Variants in MYOM2 observed in about 807,000 individuals in gnomAD.
MYOM2 encodes the protein myomesin 2, also known as myomesin-2.
MYOM2 carries 254 observed loss-of-function variants against 187.6 expected under a neutral mutation model. The observed-to-expected ratio is 1.35, with a 90% CI of 1.22 to 1.50. The LOEUF (loss-of-function observed/expected upper bound fraction) is 1.50, where lower values mean the gene tolerates loss of function less well. Among genes scored for constraint, MYOM2 ranks in the 40% most tolerant of loss-of-function variants. MYOM2 has a pLI of 0.00. For synonymous variants in MYOM2, 981 were observed against 753.8 expected, an observed-to-expected ratio of 1.30 and a Z score of -4.94; for missense variants, 2,796 against 1,924.0, an observed-to-expected ratio of 1.45 and a Z score of -8.48.
At chr8:2,061,426 C>G (rs924241051) in intron 6 of MYOM2, among the ~76,000 whole-genome samples, 1 of 152,184 alleles carries the variant, frequency 6.6e-6, no homozygotes, top group Non-Finnish European at 1.5e-5. Context: ...GGCTCCTGCC[C>G]TGTGCCCTCC....
At chr8:2,072,625 A>G in intron 9 of MYOM2, 116 bp downstream of exon 9, 4 of 1,273,714 alleles carry the variant, frequency 3.1e-6, no homozygotes, top group Non-Finnish European at 4.2e-6. Flanking sequence ...AGCTCCAGAC[A>G]GCGAAACAAA....
At position 2,090,156 on chromosome 8, in the gene MYOM2, A is replaced by C. The variant is rs199749262; in HGVS notation, c.1793A>C (p.Glu598Ala). The C allele has an allele frequency of 6.2e-7, 1 of 1,614,006 alleles. No homozygotes were observed. The highest frequency in any genetic ancestry group is 2.2e-5 in the East Asian group (1 of 44,864). Residue 598 changes from glutamate to alanine, a missense_variant, in exon 15 of 37, where the codon GAG becomes GCG. By Grantham distance (107) the Glu-to-Ala change is moderately radical (BLOSUM62 -1). Transcript: ENST00000262113. ...ANRHGLSEPS[E>A]ITSPIQAQDV... The stretch of plus-strand genomic sequence containing the variant: ...CGGCATGGCCTGAGCGAACCTTCGG[A>C]GATAACGTCCCCCATTCAGGCCCAG...
intron 25 of MYOM2, among the ~76,000 whole-genome samples, chr8:2,115,208 A>T (rs1228500275): frequency 1.3e-5 from 2 of 152,088 alleles, no homozygotes; most frequent in African/African-American, 2.4e-5. Flanking sequence ...AAAAAAGAGA[A>T]ATAAGCATTA....
chr8:2,075,374 G>A (rs1290402256), intron 10 of MYOM2, among the ~76,000 whole-genome samples: 2 of 152,186 alleles, frequency 1.3e-5, no homozygotes, highest in Non-Finnish European at 2.9e-5. Flanking sequence ...ATAAGGCAAA[G>A]GTGGGGAGTT....
intron 15 of MYOM2, 71 bp from the exon 16 acceptor site, chr8:2,092,275 C>T (rs1369865775): frequency 1.3e-6 from 2 of 1,532,180 alleles, no homozygotes; most frequent in Non-Finnish European, 1.8e-6. Flanking sequence ...GTGAAAAGGG[C>T]CGGAAGATCT....
chr8:2,070,813 A>G lies in MYOM2; in HGVS notation c.793+1316A>G, dbSNP rs7823962. On this transcript the variant is annotated intron_variant, in intron 8 of 36. Coordinates refer to ENST00000262113, the MANE Select transcript of MYOM2 (RefSeq NM_003970.4). ...GACATTAACCATTGTACATAACACA[A>G]TGTTAACCATTGTACAGCGTACAGC... Among the ~76,000 whole-genome samples, 298 of 152,338 alleles carry G rather than the reference A, an allele frequency of 2.0e-3. 2 individuals are homozygous for G. The highest frequency in any genetic ancestry group is 6.5e-3 in the African/African-American group (269 of 41,578).
chr8:2,137,360 C>A (rs559710860), intron 32 of MYOM2, among the ~76,000 whole-genome samples: 5 of 151,992 alleles, frequency 3.3e-5, no homozygotes, highest in African/African-American at 1.2e-4. Context: ...AGACACCAGG[C>A]ATGACAAAAA....
chr8:2,137,894 T>C (rs1798137177), intron 32 of MYOM2, among the ~76,000 whole-genome samples: 1 of 152,172 alleles, frequency 6.6e-6, no homozygotes, highest in Non-Finnish European at 1.5e-5. Flanking sequence ...AGTGTCTCTT[T>C]GCCTTCAGGT....
chr8:2,082,051 G>GT (rs150223345), intron 13 of MYOM2: 1 of 152,330 alleles, frequency 6.6e-6, no homozygotes, highest in Non-Finnish European at 1.5e-5. Context: ...GAGGCTGAGG[G>GT]TGAGACTTAG....
chr8:2,059,889 T>C (rs1818795595), intron 6 of MYOM2, among the ~76,000 whole-genome samples: 1 of 151,936 alleles, frequency 6.6e-6, no homozygotes, highest in Non-Finnish European at 1.5e-5. Flanking sequence ...ATTACAGACA[T>C]GGGCCATCAC....
intron 1 of MYOM2, among the ~76,000 whole-genome samples, 159 bp downstream of exon 1, chr8:2,045,327 A>G (rs1268887918): frequency 1.3e-5 from 2 of 152,184 alleles, no homozygotes; most frequent in Non-Finnish European, 2.9e-5. Context: ...AAACAGAGCA[A>G]TTAGTTCTGG....
chr8:2,093,840 G>C lies in MYOM2; in HGVS notation c.2004-130G>C, dbSNP rs558161783. On this transcript the variant is annotated intron_variant, in intron 16 of 36. Coordinates refer to ENST00000262113, the MANE Select transcript of MYOM2 (RefSeq NM_003970.4). The stretch of plus-strand genomic sequence containing the variant: ...CTCTACATGTTGAGCTAATTAACTA[G>C]AATTGAAAATGAAGGATGTATGTTA... 10 of 1,090,562 alleles carry C rather than the reference G, an allele frequency of 9.2e-6. No individual in the cohort carries two copies. In the African/African-American group the frequency reaches 1.4e-4, roughly 15 times the overall value. The allele number at this position is 1,090,562 out of a possible 1,614,324, so 67.6% of individuals were successfully genotyped here.
intron 2 of MYOM2, 129 bp downstream of exon 2, chr8:2,051,002 G>T: frequency 1.4e-6 from 1 of 689,772 alleles, no homozygotes; most frequent in Admixed American, 2.2e-5. Context: ...AGAGATGGCA[G>T]CCTCTCCCGT....
intron 4 of MYOM2, 32 bp from the exon 5 acceptor site, chr8:2,057,591 G>C: frequency 6.2e-7 from 1 of 1,613,362 alleles, no homozygotes; most frequent in Non-Finnish European, 8.5e-7. Context: ...CTCGCTGCCT[G>C]GGAACCTGAC....
intron 24 of MYOM2, chr8:2,109,182 C>T (rs1796986792): frequency 5.4e-6 from 3 of 554,574 alleles, no homozygotes; most frequent in African/African-American, 2.0e-5. Context: ...ATTTGCAAAG[C>T]TAACTGAGAA....
chr8:2,144,265 A>G (rs1024571719), intron 36 of MYOM2, among the ~76,000 whole-genome samples: 12 of 151,564 alleles, frequency 7.9e-5, no homozygotes, highest in African/African-American at 2.4e-4. Flanking sequence ...GATATATTCA[A>G]TGGGTTTGCC....
At chr8:2,077,021 G>T (rs752340710) in intron 11 of MYOM2, among the ~76,000 whole-genome samples, 1 of 152,164 alleles carries the variant, frequency 6.6e-6, no homozygotes, top group Non-Finnish European at 1.5e-5. Flanking sequence ...AGTAAAAGAG[G>T]ATGGTTCTGG....
chr8:2,085,434 G>T, intron 14 of MYOM2, 44 bp downstream of exon 14: 7 of 1,601,756 alleles, frequency 4.4e-6, no homozygotes, highest in Non-Finnish European at 3.4e-6. Flanking sequence ...TCTCTGCATG[G>T]CCCCCCACTG....
intron 28 of MYOM2, among the ~76,000 whole-genome samples, chr8:2,118,572 G>C (rs1043737814): frequency 6.6e-6 from 1 of 152,216 alleles, no homozygotes; most frequent in Non-Finnish European, 1.5e-5. Context: ...CGTGAGCTGC[G>C]TGTGCCAAGG....
Sources: gnomAD v4.1 joint callset for allele counts (sites outside exome capture counted in the v4.1 genomes callset) on GRCh38, gnomAD v4.1.1 for gene constraint, MANE v1.5 for transcripts, NCBI Gene and HGNC (gene_info 2026-07-23, HGNC 2026-07-21) for gene names.